Variants in PON1 observed in about 807,000 individuals in gnomAD.
The protein encoded by PON1 is paraoxonase 1, also known as serum paraoxonase/arylesterase 1.
PON1 carries 37 observed loss-of-function variants against 39.2 expected under a neutral mutation model. The ratio of observed to expected loss-of-function variants is 0.94; its 90% CI spans 0.73 to 1.24. PON1 has a LOEUF of 1.24. Ranked by LOEUF, PON1 falls within the 50% of genes most tolerant of loss-of-function variation. The pLI is 0.00. For synonymous variants in PON1, 148 were observed against 152.2 expected (o/e 0.97, Z 0.21); for missense variants, 397 against 413.5 (o/e 0.96, Z 0.35).
At chr7:95,303,609 G>T (rs756565416) in intron 7 of PON1, among the ~76,000 whole-genome samples, 2 of 152,128 alleles carry the variant, frequency 1.3e-5, no homozygotes, top group Non-Finnish European at 2.9e-5. Flanking sequence ...TGCAAGGAAC[G>T]CAACACCTGG....
At chr7:95,310,736 T>G (rs948627868) in intron 5 of PON1, among the ~76,000 whole-genome samples, 5 of 152,184 alleles carry the variant, frequency 3.3e-5, no homozygotes, top group African/African-American at 1.2e-4. Flanking sequence ...ATGCTGTACA[T>G]AAATTATATA....
chr7:95,312,394 A>G (rs181081340), intron 4 of PON1, among the ~76,000 whole-genome samples: 41 of 152,322 alleles, frequency 2.7e-4, no homozygotes, highest in Non-Finnish European at 5.0e-4. Flanking sequence ...GGGTTTCACC[A>G]TGTTAAGATG....
intron 3 of PON1, 78 bp from the exon 4 acceptor site, chr7:95,315,568 G>T: frequency 6.8e-7 from 1 of 1,462,908 alleles, no homozygotes; most frequent in Non-Finnish European, 9.5e-7. Flanking sequence ...ATGGCCCATG[G>T]GTTCATGTTG....
intron 2 of PON1, among the ~76,000 whole-genome samples, chr7:95,317,025 A>G (rs565078778): frequency 3.2e-4 from 49 of 152,356 alleles, no homozygotes; most frequent in African/African-American, 1.1e-3. Context: ...TTTGTTTTAA[A>G]TTGATGGACT....
chr7:95,315,308 G>A lies in PON1; in HGVS notation c.370+14C>T. On this transcript the variant is annotated intron_variant, in intron 4 of 8. Coordinates refer to ENST00000222381, the MANE Select transcript of PON1 (RefSeq NM_000446.7). Reference sequence around the variant, plus strand: ...AGTTTGGTTTTGGTTTTAATAAATAGTAAATATTGTTACCTTCATCTGTGA... The same window carrying A: ...AGTTTGGTTTTGGTTTTAATAAATAATAAATATTGTTACCTTCATCTGTGA... The A allele has an allele frequency of 6.2e-7, 1 of 1,605,660 alleles. No homozygotes were observed. The highest frequency in any genetic ancestry group is 8.5e-7 in the Non-Finnish European group (1 of 1,173,264).
Position 95,313,379 on chromosome 7 carries a change from C to T in PON1, c.371-1802G>A, listed in dbSNP as rs113161021. 1.4e-3 allele frequency among the ~76,000 whole-genome samples: 214 copies of T among 152,240 alleles called. 1 individual carries two copies. The highest frequency in any genetic ancestry group is 4.6e-3 in the African/African-American group (192 of 41,530). On this transcript the variant is annotated intron_variant, in intron 4 of 8. Coordinates refer to ENST00000222381, the MANE Select transcript of PON1 (RefSeq NM_000446.7). Reference sequence around the variant, plus strand: ...ACAGTGCTCCCACACAACTGAATCCCGAACTGCCTTGGCAAAGCAACTGCA... The same window carrying T: ...ACAGTGCTCCCACACAACTGAATCCTGAACTGCCTTGGCAAAGCAACTGCA...
At position 95,301,167 on chromosome 7, in the gene PON1, T is replaced by C. The variant is rs544874223; in HGVS notation, c.909+1038A>G. On this transcript the variant is annotated intron_variant, in intron 8 of 8. Transcript: ENST00000222381. ...GTAGATACTGAAAACTCAGTAAATG[T>C]GCAAATACCTATATTGAAGTAGGTT... Among the ~76,000 whole-genome samples, 49 of 152,318 alleles carry C rather than the reference T, an allele frequency of 3.2e-4. 1 individual carries two copies. Among genetic ancestry groups the C allele is most frequent in the African/African-American group, 1.2e-3 (49 of 41,566 alleles).
At chr7:95,313,532 G>GTACT (rs1807698378) in intron 4 of PON1, among the ~76,000 whole-genome samples, 1 of 151,942 alleles carries the variant, frequency 6.6e-6, no homozygotes, top group African/African-American at 2.4e-5. Context: ...ATATTTCTTT[G>GTACT]TACTTAAAAA....
intron 2 of PON1, 100 bp downstream of exon 2, chr7:95,318,223 A>G (rs1807814307): frequency 9.6e-7 from 1 of 1,036,788 alleles, no homozygotes; most frequent in African/African-American, 1.6e-5. Context: ...CTGATTCAAA[A>G]TTTTATTTTT....
At chr7:95,322,436 G>C (rs1416722800) in intron 1 of PON1, among the ~76,000 whole-genome samples, 1 of 151,848 alleles carries the variant, frequency 6.6e-6, no homozygotes, top group Non-Finnish European at 1.5e-5. Context: ...CTGGAATAAA[G>C]TGGTAAAATA....
At chr7:95,305,499 G>A (rs1304126986) in intron 7 of PON1, among the ~76,000 whole-genome samples, 1 of 152,192 alleles carries the variant, frequency 6.6e-6, no homozygotes, top group Non-Finnish European at 1.5e-5. Flanking sequence ...TCCTTGTGGA[G>A]CTTACACCCT....
At chr7:95,306,777 A>G (rs1313633448) in intron 6 of PON1, among the ~76,000 whole-genome samples, 2 of 152,160 alleles carry the variant, frequency 1.3e-5, no homozygotes, top group East Asian at 3.9e-4. Context: ...GTTTTAATCC[A>G]GAGAAAATAT....
Position 95,298,866 on chromosome 7 carries a change from G to A in PON1, c.*78C>T. The A allele has an allele frequency of 6.4e-7, 1 of 1,555,742 alleles. No individual in the cohort carries two copies. Among genetic ancestry groups the A allele is most frequent in the Non-Finnish European group, 8.9e-7 (1 of 1,127,934 alleles). ...GGGTCAGCATTCATTGTTCAGCTAA[G>A]AACACTGGGTCCTCGGAATATGGCA... On this transcript the variant is annotated 3_prime_UTR_variant, in exon 9 of 9. Transcript: ENST00000222381.
chr7:95,324,304 G>A lies in PON1; in HGVS notation c.74+98C>T, dbSNP rs369393576. The A allele has an allele frequency of 1.3e-5, 14 of 1,097,530 alleles. No homozygotes were observed. In the Admixed American group the frequency reaches 1.8e-4, roughly 14 times the overall value. The allele number at this position is 1,097,530 out of a possible 1,614,324, so 68.0% of individuals were successfully genotyped here. On this transcript the variant is annotated intron_variant, in intron 1 of 8. Coordinates refer to ENST00000222381, the MANE Select transcript of PON1 (RefSeq NM_000446.7). Reference sequence around the variant, plus strand: ...GTGCATCTAGCACCTGCTTGTAAATGTTCTGTTAACAGCCTGGACCCAACT... The same window carrying A: ...GTGCATCTAGCACCTGCTTGTAAATATTCTGTTAACAGCCTGGACCCAACT...
In PON1 at chr7:95,298,463, T is replaced by G; in HGVS notation, c.*481A>C. On this transcript the variant is annotated 3_prime_UTR_variant, in exon 9 of 9. Coordinates refer to ENST00000222381, the MANE Select transcript of PON1 (RefSeq NM_000446.7). ...AGTCAGACTTACTATGTGCATGGAGTAGAGGGGAACTTCATAATGCATATG... is the reference window on the plus strand; with the variant it reads ...AGTCAGACTTACTATGTGCATGGAGGAGAGGGGAACTTCATAATGCATATG... The G allele has an allele frequency of 4.3e-6, 1 of 233,544 alleles. No individual in the cohort carries two copies. Among genetic ancestry groups the G allele is most frequent in the South Asian group, 6.5e-5 (1 of 15,320 alleles). 14.5% of individuals were successfully genotyped at this position (233,544 alleles called of 1,614,324 possible). A position where few individuals can be genotyped will look rare whatever the true frequency, so the allele number is the denominator to read the frequency against.
chr7:95,311,363 T>A, intron 5 of PON1, 88 bp downstream of exon 5: 6 of 1,489,588 alleles, frequency 4.0e-6, no homozygotes, highest in Middle Eastern at 1.9e-4. Context: ...TGAACAGCCA[T>A]ACCTACTCTG....
At chr7:95,320,042 A>T (rs1807861336) in intron 1 of PON1, among the ~76,000 whole-genome samples, 1 of 152,240 alleles carries the variant, frequency 6.6e-6, no homozygotes, top group African/African-American at 2.4e-5. Context: ...CATGCCCTCA[A>T]GGAACCAAAG....
intron 4 of PON1, among the ~76,000 whole-genome samples, chr7:95,313,808 T>G (rs3917510): frequency 0.06 from 9,098 of 151,906 alleles, 373 homozygotes; most frequent in African/African-American, 0.12. Context: ...AGAAGAAGAA[T>G]AATAATACCC....
intron 1 of PON1, among the ~76,000 whole-genome samples, chr7:95,323,867 C>T (rs1164219459): frequency 6.6e-6 from 1 of 152,192 alleles, no homozygotes; most frequent in African/African-American, 2.4e-5. Flanking sequence ...TCCCTCTTCC[C>T]CGCCTGCCCC....
Sources: gnomAD v4.1 joint callset for allele counts (sites outside exome capture counted in the v4.1 genomes callset) on GRCh38, gnomAD v4.1.1 for gene constraint, MANE v1.5 for transcripts, NCBI Gene and HGNC (gene_info 2026-07-23, HGNC 2026-07-21) for gene names.